PCDH15: variants seen among roughly 807,000 people sequenced by gnomAD.
PCDH15 encodes protocadherin related 15.
A neutral mutation model predicts 178.5 loss-of-function variants in PCDH15; 129 were observed. The observed-to-expected ratio is 0.72, with a 90% CI of 0.63 to 0.84. The LOEUF (loss-of-function observed/expected upper bound fraction) is 0.84. Among genes scored for constraint, PCDH15 ranks in the 40% least tolerant of loss-of-function variants. The pLI, the probability that PCDH15 is intolerant of heterozygous loss-of-function variation, is 0.00. For synonymous variants in PCDH15, 800 were observed against 732.0 expected, an observed-to-expected ratio of 1.09 and a Z score of -1.50; for missense variants, 2,230 against 2,099.9, an observed-to-expected ratio of 1.06 and a Z score of -1.21.
intron 2 of PCDH15, among the ~76,000 whole-genome samples, chr10:55,527,034 T>C (rs914481222): frequency 6.6e-6 from 1 of 152,078 alleles, no homozygotes; most frequent in Admixed American, 6.6e-5. Flanking sequence ...AGTATAAATG[T>C]GATTGGTCTA....
Position 54,877,936 on chromosome 10 carries a change from CTCTTTTTTTTTTTTTT to C in PCDH15, c.-29+19498_-29+19513del, listed in dbSNP as rs1954178138. ...TCTCTTATTCTCTTTCTCTCTCTCTCTCTTTTTTTTTTTTTTTTTTTTTTTTTTTTTTTTTTTTTTT... is the reference window on the plus strand; with the variant it reads ...TCTCTTATTCTCTTTCTCTCTCTCTCTTTTTTTTTTTTTTTTTTTTTTTTT... On this transcript the variant is annotated intron_variant, in intron 3 of 5. Coordinates refer to the PCDH15 transcript ENST00000458638. 5.7e-5 allele frequency among the ~76,000 whole-genome samples: 6 copies of C among 104,348 alleles called. 1 individual carries two copies. The highest frequency in any genetic ancestry group is 1.0e-4 in the African/African-American group (3 of 29,598). The allele number at this position is 104,348 out of a possible 152,430, so 68.5% of individuals were successfully genotyped here.
At chr10:54,412,866 C>T (rs1953756134) in intron 3 of PCDH15, among the ~76,000 whole-genome samples, 2 of 152,148 alleles carry the variant, frequency 1.3e-5, no homozygotes, top group African/African-American at 4.8e-5. Context: ...GGATTAAAGG[C>T]ATGAGCCACC....
At chr10:54,144,404 C>T (rs2043702705) in intron 14 of PCDH15, among the ~76,000 whole-genome samples, 1 of 152,054 alleles carries the variant, frequency 6.6e-6, no homozygotes, top group Non-Finnish European at 1.5e-5. Flanking sequence ...CAGAAAACCA[C>T]TTGCAGCCTC....
chr10:54,808,829 CAGGT>C (rs1364606546), intron 3 of PCDH15, among the ~76,000 whole-genome samples: 1 of 151,778 alleles, frequency 6.6e-6, no homozygotes, highest in Non-Finnish European at 1.5e-5. Context: ...TTAATGGAAA[CAGGT>C]AGAAATATAG....
At chr10:55,359,220 G>C (rs1845158984) in intron 2 of PCDH15, among the ~76,000 whole-genome samples, 1 of 148,204 alleles carries the variant, frequency 6.7e-6, no homozygotes, top group Non-Finnish European at 1.5e-5. Context: ...AAATAAATTA[G>C]TTTTTTTTTT....
At chr10:53,943,348 C>T (rs2086236955) in intron 23 of PCDH15, among the ~76,000 whole-genome samples, 1 of 151,996 alleles carries the variant, frequency 6.6e-6, no homozygotes, top group South Asian at 2.1e-4. Flanking sequence ...TGGTGGTGTG[C>T]TCCTATAGTC....
intron 3 of PCDH15, among the ~76,000 whole-genome samples, chr10:54,421,111 TTATTG>T (rs560141261): frequency 3.2e-4 from 49 of 152,206 alleles, no homozygotes; most frequent in African/African-American, 1.1e-3. Context: ...GTACTTTCTC[TTATTG>T]TATTGTATTG....
chr10:54,803,213 T>A (rs756009663), upstream of PCDH15, among the ~76,000 whole-genome samples: 1 of 152,236 alleles, frequency 6.6e-6, no homozygotes, highest in Non-Finnish European at 1.5e-5. Context: ...ACTTCCTTTT[T>A]TCTCTTAAAA....
intron 13 of PCDH15, among the ~76,000 whole-genome samples, chr10:54,158,501 A>G (rs2045384969): frequency 6.6e-6 from 1 of 152,174 alleles, no homozygotes; most frequent in African/African-American, 2.4e-5. Context: ...TAGCCAAACC[A>G]TATCACCATC....
At chr10:55,464,625 AATAT>A (rs201924826) in intron 2 of PCDH15, among the ~76,000 whole-genome samples, 60 of 62,980 alleles carry the variant, frequency 9.5e-4, no homozygotes, top group South Asian at 6.5e-3. Context: ...AATGGGAGTA[AATAT>A]ATATATATAT....
intron 13 of PCDH15, 61 bp from the exon 14 acceptor site, chr10:54,153,354 T>C (rs2044749510): frequency 6.4e-7 from 1 of 1,569,638 alleles, no homozygotes; most frequent in Non-Finnish European, 8.8e-7. Flanking sequence ...ACCATGTCGT[T>C]TTTTCCCCCA....
chr10:54,566,531 G>A (rs2089061834), intron 2 of PCDH15, among the ~76,000 whole-genome samples: 6 of 152,058 alleles, frequency 3.9e-5, no homozygotes, highest in Admixed American at 3.9e-4. Flanking sequence ...AATCACTGGT[G>A]TTTTCACTTT....
intron 26 of PCDH15, among the ~76,000 whole-genome samples, chr10:53,898,486 T>A (rs1315324325): frequency 6.6e-6 from 1 of 152,192 alleles, no homozygotes; most frequent in African/African-American, 2.4e-5. Context: ...TGATTACTTG[T>A]CACTAACGGA....
chr10:54,981,033 T>TAA (rs200857391), intron 2 of PCDH15, among the ~76,000 whole-genome samples: 9 of 151,014 alleles, frequency 6.0e-5, no homozygotes, highest in South Asian at 2.1e-4. Flanking sequence ...CCATCAAAGT[T>TAA]AAAAAAAAAT....
chr10:55,340,721 A>ATT (rs765166046), intron 2 of PCDH15, among the ~76,000 whole-genome samples: 59 of 152,078 alleles, frequency 3.9e-4, no homozygotes, highest in Non-Finnish European at 7.1e-4. Flanking sequence ...AATATTTTAT[A>ATT]TTTTATTAAT....
intron 2 of PCDH15, among the ~76,000 whole-genome samples, chr10:54,960,153 T>G (rs1838605970): frequency 6.6e-6 from 1 of 152,176 alleles, no homozygotes; most frequent in Non-Finnish European, 1.5e-5. Context: ...CTAGTCTGTA[T>G]TTTTATATCA....
At chr10:55,436,918 T>G (rs1047324430) in intron 2 of PCDH15, among the ~76,000 whole-genome samples, 9 of 152,210 alleles carry the variant, frequency 5.9e-5, no homozygotes, top group African/African-American at 2.2e-4. Flanking sequence ...AGGGTTATCT[T>G]CTGTTAAAAA....
chr10:53,923,753 A>G (rs2084210728), intron 25 of PCDH15, among the ~76,000 whole-genome samples: 1 of 152,154 alleles, frequency 6.6e-6, no homozygotes, highest in Non-Finnish European at 1.5e-5. Context: ...TTGATGTTTC[A>G]GCCATTTTTG....
At chr10:54,084,427 C>T (rs112177098) in intron 16 of PCDH15, among the ~76,000 whole-genome samples, 20 of 151,542 alleles carry the variant, frequency 1.3e-4, no homozygotes, top group African/African-American at 3.6e-4. Context: ...AAGCCGAGAC[C>T]ATACCACAGC....
Sources: allele counts gnomAD v4.1 joint callset (sites outside exome capture counted in the v4.1 genomes callset), GRCh38; gene constraint gnomAD v4.1.1; transcripts MANE v1.5; gene names NCBI Gene and HGNC (gene_info 2026-07-23, HGNC 2026-07-21).